Variants in CSPP1 observed in about 807,000 individuals in gnomAD.
CSPP1 encodes centrosome and spindle pole associated protein 1.
Under a neutral mutation model 164.4 loss-of-function variants are expected in CSPP1, and 126 were observed. The ratio of observed to expected loss-of-function variants is 0.77; its 90% CI spans 0.66 to 0.89. The LOEUF (loss-of-function observed/expected upper bound fraction) is 0.89, where lower values mean the gene tolerates loss of function less well. Among genes scored for constraint, CSPP1 ranks in the 40% least tolerant of loss-of-function variants. CSPP1 has a pLI of 0.00. For synonymous variants in CSPP1, 472 were observed against 476.7 expected (o/e 0.99, Z 0.13); for missense variants, 1,395 against 1,449.8 (o/e 0.96, Z 0.61).
At chr8:67,155,210 C>T (rs1459321570) in intron 19 of CSPP1, among the ~76,000 whole-genome samples, 1 of 152,138 alleles carries the variant, frequency 6.6e-6, no homozygotes, top group African/African-American at 2.4e-5. Flanking sequence ...TCTTCTTTCC[C>T]TACCTCCCTC....
At chr8:67,093,782 G>C (rs533876660) in intron 6 of CSPP1, 141 bp downstream of exon 6, 1 of 464,434 alleles carries the variant, frequency 2.2e-6, no homozygotes, top group African/African-American at 2.0e-5. Flanking sequence ...ACCAAACACA[G>C]GACATTTAAA....
intron 17 of CSPP1, among the ~76,000 whole-genome samples, chr8:67,139,073 T>A (rs868431624): frequency 6.6e-6 from 1 of 152,270 alleles, no homozygotes; most frequent in African/African-American, 2.4e-5. Flanking sequence ...CTTATTTTTG[T>A]CAGGTTTGTC....
intron 2 of CSPP1, 26 bp from the exon 3 acceptor site, chr8:67,076,456 T>G (rs1479361973): frequency 7.1e-7 from 1 of 1,399,514 alleles, no homozygotes. Context: ...TTCCTCTTGC[T>G]TTTGTAAACA....
At chr8:67,175,693 C>T (rs925201247) in intron 26 of CSPP1, 1 of 589,586 alleles carries the variant, frequency 1.7e-6, no homozygotes, top group Non-Finnish European at 3.2e-6. Flanking sequence ...AATACTTTGA[C>T]CAGGCCAGGT....
intron 3 of CSPP1, chr8:67,084,467 TC>T (rs2129543213): frequency 6.6e-6 from 1 of 152,348 alleles, no homozygotes; most frequent in East Asian, 1.9e-4. Flanking sequence ...CTTGAAAAGT[TC>T]CCATCATTCA....
At chr8:67,177,620 A>T (rs942862195) in intron 26 of CSPP1, 60 bp from the exon 27 acceptor site, 2 of 1,074,280 alleles carry the variant, frequency 1.9e-6, no homozygotes, top group Non-Finnish European at 2.8e-6. Flanking sequence ...TCTAAAATTT[A>T]ATTTATATAG....
At chr8:67,143,048 A>C (rs1823811680) in intron 17 of CSPP1, among the ~76,000 whole-genome samples, 2 of 152,052 alleles carry the variant, frequency 1.3e-5, no homozygotes, top group South Asian at 4.1e-4. Context: ...ATTAAGTTAC[A>C]TACCTTGTTC....
intron 17 of CSPP1, among the ~76,000 whole-genome samples, chr8:67,140,145 C>T (rs1823213318): frequency 6.6e-6 from 1 of 152,076 alleles, no homozygotes; most frequent in South Asian, 2.1e-4. Flanking sequence ...AGTGCAATGG[C>T]ACCATCTTGG....
intron 19 of CSPP1, among the ~76,000 whole-genome samples, chr8:67,154,659 C>A (rs912983757): frequency 6.6e-6 from 1 of 152,154 alleles, no homozygotes; most frequent in African/African-American, 2.4e-5. Context: ...AGCCGCCACA[C>A]CTGACCAATT....
chr8:67,151,415 G>A (rs1489191497), intron 18 of CSPP1, among the ~76,000 whole-genome samples: 1 of 152,118 alleles, frequency 6.6e-6, no homozygotes, highest in Non-Finnish European at 1.5e-5. Flanking sequence ...CTAGTAGTCT[G>A]TATTGAGATC....
At chr8:67,150,015 G>A (rs1825405364) in intron 18 of CSPP1, 80 bp downstream of exon 18, 20 of 1,303,808 alleles carry the variant, frequency 1.5e-5, no homozygotes, top group Middle Eastern at 2.2e-4. Flanking sequence ...CTGTGACTAA[G>A]TTCTTATTGG....
chr8:67,088,896 C>CAA (rs775095024), intron 4 of CSPP1, among the ~76,000 whole-genome samples: 2,018 of 97,592 alleles, frequency 0.021, 44 homozygotes, highest in African/African-American at 0.066. Context: ...GAATCCGTCT[C>CAA]AAAAAAAAAA....
At chr8:67,074,653 A>G (rs1563487067) in intron 2 of CSPP1, among the ~76,000 whole-genome samples, 2 of 152,246 alleles carry the variant, frequency 1.3e-5, no homozygotes, top group African/African-American at 4.8e-5. Context: ...TAGTTGTAAA[A>G]GCAAGTTTAT....
intron 18 of CSPP1, among the ~76,000 whole-genome samples, chr8:67,152,107 GAATT>G (rs1281974549): frequency 5.8e-5 from 8 of 138,608 alleles, no homozygotes; most frequent in Middle Eastern, 7.5e-3. Flanking sequence ...AAAAAAAAAA[GAATT>G]AATTAATCTA....
At chr8:67,110,048 C>G (rs1485161478) in intron 9 of CSPP1, among the ~76,000 whole-genome samples, 1 of 151,782 alleles carries the variant, frequency 6.6e-6, no homozygotes, top group Non-Finnish European at 1.5e-5. Flanking sequence ...CATGCAAGTT[C>G]CCACCATGAA....
At chr8:67,185,121 A>C (rs1563782548) in intron 28 of CSPP1, among the ~76,000 whole-genome samples, 17 of 141,508 alleles carry the variant, frequency 1.2e-4, no homozygotes, top group African/African-American at 4.6e-4. Flanking sequence ...AAAAAAACAA[A>C]AACAAACAAA....
At chr8:67,108,146 C>T (rs1377070822) in intron 9 of CSPP1, among the ~76,000 whole-genome samples, 1 of 151,786 alleles carries the variant, frequency 6.6e-6, no homozygotes, top group South Asian at 2.1e-4. Flanking sequence ...ATCCCAGCAT[C>T]TTAGGAGGCT....
intron 4 of CSPP1, among the ~76,000 whole-genome samples, chr8:67,087,261 AC>A (rs1331548812): frequency 1.3e-5 from 2 of 152,178 alleles, no homozygotes; most frequent in Non-Finnish European, 2.9e-5. Flanking sequence ...CTGTTTTTCC[AC>A]CAAAATCTAT....
chr8:67,073,339 T>G (rs1807229602), intron 1 of CSPP1, among the ~76,000 whole-genome samples: 1 of 152,172 alleles, frequency 6.6e-6, no homozygotes, highest in Admixed American at 6.5e-5. Context: ...AATCTAAATT[T>G]AGTCATTAAG....
Sources: gnomAD v4.1 joint callset for allele counts (sites outside exome capture counted in the v4.1 genomes callset) on GRCh38, gnomAD v4.1.1 for gene constraint, MANE v1.5 for transcripts, NCBI Gene and HGNC (gene_info 2026-07-23, HGNC 2026-07-21) for gene names.